Variants in CLEC19A observed in about 807,000 individuals in gnomAD.
The protein encoded by CLEC19A is C-type lectin domain containing 19A.
In CLEC19A, 21 loss-of-function variants were observed where a neutral mutation model predicts 26.1. The observed-to-expected ratio is 0.80, with a 90% CI of 0.57 to 1.16. CLEC19A has a LOEUF of 1.16. Ranked by LOEUF, CLEC19A falls within the 50% of genes most tolerant of loss-of-function variation. CLEC19A has a pLI of 0.00. For missense variants in CLEC19A, 224 were observed against 227.6 expected (o/e 0.98, Z 0.10); for synonymous variants, 89 against 88.6 (o/e 1.00, Z -0.03).
At chr16:19,286,210 G>A (rs1384037331) in intron 1 of CLEC19A, among the ~76,000 whole-genome samples, 1 of 152,232 alleles carries the variant, frequency 6.6e-6, no homozygotes, top group East Asian at 1.9e-4. Flanking sequence ...CTTCTAGAAA[G>A]TTGGGTCGCA....
intron 3 of CLEC19A, among the ~76,000 whole-genome samples, 195 bp from the exon 4 acceptor site, chr16:19,307,350 G>A (rs1273948473): frequency 2.6e-5 from 4 of 152,196 alleles, no homozygotes; most frequent in African/African-American, 7.2e-5. Flanking sequence ...TCAACAAATG[G>A]CAGCTAGTAA....
intron 1 of CLEC19A, among the ~76,000 whole-genome samples, chr16:19,295,522 C>T (rs1367995778): frequency 3.3e-5 from 5 of 152,078 alleles, no homozygotes; most frequent in African/African-American, 1.2e-4. Flanking sequence ...GATTTTAAAA[C>T]TGGGATGGTC....
chr16:19,291,767 T>G (rs550508256), intron 1 of CLEC19A, among the ~76,000 whole-genome samples: 100 of 152,290 alleles, frequency 6.6e-4, no homozygotes, highest in South Asian at 1.9e-3. Context: ...GAGTTAATGA[T>G]CGTTTTGGTG....
rs995210672 is a variant in CLEC19A, at chr16:19,296,470, A to G, written c.89-2203A>G. Reference sequence around the variant, plus strand: ...ATTACACAATCCATATATCCCAAGTACTTGGTGACTTTATTTGGCCCAATC... The same window carrying G: ...ATTACACAATCCATATATCCCAAGTGCTTGGTGACTTTATTTGGCCCAATC... On this transcript the variant is annotated intron_variant, in intron 1 of 4. Transcript: ENST00000636231. 2.0e-5 allele frequency among the ~76,000 whole-genome samples: 3 copies of G among 152,196 alleles called. 1 individual carries two copies. In the East Asian group the frequency reaches 5.8e-4, roughly 29 times the overall value.
intron 1 of CLEC19A, among the ~76,000 whole-genome samples, chr16:19,291,808 C>G (rs1482728870): frequency 1.3e-5 from 2 of 152,196 alleles, no homozygotes; most frequent in Non-Finnish European, 2.9e-5. Context: ...CCTCCCAGGT[C>G]CTCACAATTA....
chr16:19,304,146 T>C lies in CLEC19A; in HGVS notation c.339T>C (p.Asp113=). 1 of 1,550,562 alleles carries C rather than the reference T, an allele frequency of 6.4e-7. No individual in the cohort carries two copies. The highest frequency in any genetic ancestry group is 8.7e-7 in the Non-Finnish European group (1 of 1,146,928). Residue 113 remains aspartate, a synonymous_variant, in exon 3 of 5, where the codon GAT becomes GAC. Transcript: ENST00000636231. ...IPADVWTGLH[D]HRQEGQFEWT... ...CTGACGTCTGGACAGGCCTTCATGA[T>C]CACAGACAGGTGAGAAAGCAGTGGC...
At chr16:19,307,393 G>A (rs1289018221) in intron 3 of CLEC19A, among the ~76,000 whole-genome samples, 152 bp from the exon 4 acceptor site, 2 of 152,230 alleles carry the variant, frequency 1.3e-5, no homozygotes, top group African/African-American at 4.8e-5. Flanking sequence ...ATTGGTAGCA[G>A]TAGTGCCAGA....
intron 2 of CLEC19A, among the ~76,000 whole-genome samples, chr16:19,299,877 CTT>C (rs1897780665): frequency 6.6e-6 from 1 of 152,120 alleles, no homozygotes; most frequent in African/African-American, 2.4e-5. Flanking sequence ...TCAGAAACTA[CTT>C]TAGAAAGGGG....
intron 1 of CLEC19A, 93 bp downstream of exon 1, chr16:19,286,032 G>A: frequency 3.1e-6 from 4 of 1,287,520 alleles, no homozygotes; most frequent in Non-Finnish European, 4.4e-6. Context: ...TCTGTTGGGG[G>A]GTTGGGGTGG....
In CLEC19A at chr16:19,304,068, G is replaced by A; in HGVS notation, c.261G>A (p.Glu87=). The A allele has an allele frequency of 6.5e-7, 1 of 1,548,852 alleles. No homozygotes were observed. The highest frequency in any genetic ancestry group is 8.7e-7 in the Non-Finnish European group (1 of 1,145,670). The change falls in exon 3 of 5, where the codon GAG becomes GAA. Residue 87 remains glutamate (E), a synonymous_variant. Coordinates refer to ENST00000636231, the MANE Select transcript of CLEC19A (RefSeq NM_001256720.2). ...SAKLASIHSW[E]ENVFVYDLVN... Reference sequence around the variant, plus strand: ...ATTATTCTTAAATTCGCAGCTGGGAGGAGAATGTCTTTGTATATGACCTCG... The same window carrying A: ...ATTATTCTTAAATTCGCAGCTGGGAAGAGAATGTCTTTGTATATGACCTCG...
At chr16:19,293,635 G>A (rs1897638792) in intron 1 of CLEC19A, among the ~76,000 whole-genome samples, 1 of 151,736 alleles carries the variant, frequency 6.6e-6, no homozygotes, top group Non-Finnish European at 1.5e-5. Flanking sequence ...GCTAATTTTT[G>A]GTAAGAGACA....
chr16:19,297,896 C>T (rs764887166), intron 1 of CLEC19A, among the ~76,000 whole-genome samples: 3 of 151,964 alleles, frequency 2.0e-5, no homozygotes, highest in Non-Finnish European at 4.4e-5. Flanking sequence ...GTTTTTTGGA[C>T]CTCAAGCATA....
chr16:19,290,020 TGATCTGG>T (rs1225895837), intron 1 of CLEC19A, among the ~76,000 whole-genome samples: 1 of 152,070 alleles, frequency 6.6e-6, no homozygotes, highest in Non-Finnish European at 1.5e-5. Flanking sequence ...GTCCCAAGAC[TGATCTGG>T]GCAGGAGGCA....
At chr16:19,298,877 A>T in intron 2 of CLEC19A, 39 bp downstream of exon 2, 2 of 1,499,624 alleles carry the variant, frequency 1.3e-6, no homozygotes, top group South Asian at 1.3e-5. Flanking sequence ...TCAACTAAGC[A>T]CCCCCTTGGG....
chr16:19,288,892 G>A (rs1366907457), intron 1 of CLEC19A, among the ~76,000 whole-genome samples: 1 of 152,182 alleles, frequency 6.6e-6, no homozygotes, highest in Non-Finnish European at 1.5e-5. Context: ...GTCAGGTTAT[G>A]TAGCCTCTTC....
chr16:19,307,742 G>A (rs1208158502), intron 4 of CLEC19A, 65 bp downstream of exon 4: 15 of 1,535,504 alleles, frequency 9.8e-6, no homozygotes, highest in Middle Eastern at 2.3e-4. Flanking sequence ...TGGGGAGAGC[G>A]GAGAAGGGCC....
At position 19,309,188 on chromosome 16, in the gene CLEC19A, A is replaced by G. The variant is rs1898017489; in HGVS notation, c.*105A>G. 2 of 853,054 alleles carry G rather than the reference A, an allele frequency of 2.3e-6. No homozygotes were observed. The highest frequency in any genetic ancestry group is 2.8e-5 in the East Asian group (1 of 35,438). 52.8% of individuals were successfully genotyped at this position (853,054 alleles called of 1,614,324 possible). A position where few individuals can be genotyped will look rare whatever the true frequency, so the allele number is the denominator to read the frequency against. ...CATGTAAAACATACATAGGAAGTAAATCTCTTGGACAGAGATTTTAAACAA... is the reference window on the plus strand; with the variant it reads ...CATGTAAAACATACATAGGAAGTAAGTCTCTTGGACAGAGATTTTAAACAA... On this transcript the variant is annotated 3_prime_UTR_variant, in exon 5 of 5. Transcript: ENST00000636231.
At chr16:19,304,196 G>A in intron 3 of CLEC19A, 41 bp downstream of exon 3, 1 of 1,493,828 alleles carries the variant, frequency 6.7e-7, no homozygotes, top group Non-Finnish European at 9.1e-7. Context: ...GGAAGCTCCA[G>A]CCAGGATTCT....
rs1368039877 is a variant in CLEC19A at position 19,310,212 on chromosome 16, T to C, written c.*1129T>C. The C allele has an allele frequency of 6.6e-6, 1 of 151,966 alleles. No individual in the cohort carries two copies. The highest frequency in any genetic ancestry group is 1.5e-5 in the Non-Finnish European group (1 of 68,002). The allele number at this position is 151,966 out of a possible 1,614,324, so 9.4% of individuals were successfully genotyped here. A position where few individuals can be genotyped will look rare whatever the true frequency, so the allele number is the denominator to read the frequency against. On this transcript the variant is annotated 3_prime_UTR_variant, in exon 5 of 5. Transcript: ENST00000636231. ...GGCCAGGTGTAGTGGCTCATGCCTGTAATCCCAGCACTTTGGGAAGCTGAG... is the reference window on the plus strand; with the variant it reads ...GGCCAGGTGTAGTGGCTCATGCCTGCAATCCCAGCACTTTGGGAAGCTGAG...
Sources: allele counts gnomAD v4.1 joint callset (sites outside exome capture counted in the v4.1 genomes callset), GRCh38; gene constraint gnomAD v4.1.1; transcripts MANE v1.5; gene names NCBI Gene and HGNC (gene_info 2026-07-23, HGNC 2026-07-21).